GPC6: variants seen among roughly 807,000 people sequenced by gnomAD.
The protein encoded by GPC6 is glypican 6, also known as glypican-6.
In GPC6, 14 loss-of-function variants were observed where a neutral mutation model predicts 55.2. The ratio of observed to expected loss-of-function variants is 0.25; its 90% CI spans 0.17 to 0.40. The LOEUF (loss-of-function observed/expected upper bound fraction) is 0.40, where lower values mean the gene tolerates loss of function less well. GPC6 is among the 10% of genes least tolerant of loss of function. GPC6 has a pLI of 1.00. For missense variants in GPC6, 641 were observed against 708.5 expected (o/e 0.90, Z 1.08); for synonymous variants, 278 against 259.6 (o/e 1.07, Z -0.68).
intron 2 of GPC6, among the ~76,000 whole-genome samples, chr13:93,787,589 G>A (rs1049318856): frequency 8.6e-5 from 13 of 152,046 alleles, no homozygotes; most frequent in African/African-American, 2.4e-4. Context: ...ATATGTTCAG[G>A]TACATGTGAT....
At chr13:93,349,128 A>G (rs1880532317) in intron 1 of GPC6, among the ~76,000 whole-genome samples, 1 of 152,174 alleles carries the variant, frequency 6.6e-6, no homozygotes. Flanking sequence ...TTCAGAAGAG[A>G]AATGAATTCG....
chr13:93,955,831 G>A (rs933755395), intron 3 of GPC6, among the ~76,000 whole-genome samples: 1 of 152,166 alleles, frequency 6.6e-6, no homozygotes, highest in African/African-American at 2.4e-5. Context: ...CTGCTTTAAT[G>A]TTTTTACCTT....
At chr13:93,292,623 CAG>C (rs1878353199) in intron 1 of GPC6, among the ~76,000 whole-genome samples, 1 of 152,100 alleles carries the variant, frequency 6.6e-6, no homozygotes, top group South Asian at 2.1e-4. Context: ...GAAATTTACA[CAG>C]AGTGTATTGA....
intron 1 of GPC6, among the ~76,000 whole-genome samples, chr13:93,421,861 G>A (rs995526383): frequency 6.6e-6 from 1 of 152,204 alleles, no homozygotes; most frequent in African/African-American, 2.4e-5. Flanking sequence ...TGGATGCTAA[G>A]TGGAGTATGT....
At chr13:93,314,692 TTAGA>T (rs755266179) in intron 1 of GPC6, among the ~76,000 whole-genome samples, 14 of 150,244 alleles carry the variant, frequency 9.3e-5, no homozygotes, top group Non-Finnish European at 1.6e-4. Flanking sequence ...GAGGGCCTAA[TTAGA>T]TAGAAAACAA....
At chr13:93,928,925 A>T (rs867836239) in intron 3 of GPC6, among the ~76,000 whole-genome samples, 8 of 184 alleles carry the variant, frequency 0.043, no homozygotes, top group Non-Finnish European at 0.11. Flanking sequence ...TGTACATATA[A>T]AAAAAAATAG....
chr13:94,348,357 A>C (rs1476946054), intron 6 of GPC6, among the ~76,000 whole-genome samples: 1 of 152,208 alleles, frequency 6.6e-6, no homozygotes, highest in Non-Finnish European at 1.5e-5. Context: ...CTAGACCAGC[A>C]CTTCTCCAAA....
intron 3 of GPC6, among the ~76,000 whole-genome samples, chr13:93,923,774 T>G (rs1444593913): frequency 1.3e-5 from 2 of 152,238 alleles, no homozygotes; most frequent in Non-Finnish European, 2.9e-5. Flanking sequence ...GCTGTTAACA[T>G]GTACTTTACA....
At chr13:93,400,297 A>G (rs1876019650) in intron 1 of GPC6, among the ~76,000 whole-genome samples, 1 of 148,370 alleles carries the variant, frequency 6.7e-6, no homozygotes, top group African/African-American at 2.5e-5. Flanking sequence ...CATTCAACAC[A>G]TTTTCTTCAG....
chr13:94,020,320 T>C (rs929036227), intron 3 of GPC6, among the ~76,000 whole-genome samples: 1 of 152,240 alleles, frequency 6.6e-6, no homozygotes, highest in Non-Finnish European at 1.5e-5. Flanking sequence ...GATTTCTAGC[T>C]TCATTCCTTT....
rs142070771 is a variant in GPC6, at chr13:94,395,960, G to A, written c.1290-2506G>A. Among the ~76,000 whole-genome samples, 100 of 152,314 alleles carry A rather than the reference G, an allele frequency of 6.6e-4. 1 individual carries two copies. In the East Asian group the frequency reaches 0.012, roughly 18 times the overall value. On this transcript the variant is annotated intron_variant, in intron 7 of 8. Coordinates refer to ENST00000377047, the MANE Select transcript of GPC6 (RefSeq NM_005708.5). ...CAGCTTCCAGTTGGATCAGCCAATGGGAGGCAGCAGCTGGAGGTCAAGAGG... is the reference window on the plus strand; with the variant it reads ...CAGCTTCCAGTTGGATCAGCCAATGAGAGGCAGCAGCTGGAGGTCAAGAGG...
chr13:93,480,888 A>G (rs1879492161), intron 1 of GPC6, among the ~76,000 whole-genome samples: 1 of 152,142 alleles, frequency 6.6e-6, no homozygotes, highest in Admixed American at 6.5e-5. Context: ...GCATATTATG[A>G]CTAATGCTGT....
At chr13:93,729,112 T>A (rs1883739991) in intron 2 of GPC6, among the ~76,000 whole-genome samples, 1 of 152,198 alleles carries the variant, frequency 6.6e-6, no homozygotes, top group East Asian at 1.9e-4. Context: ...ACTGCTTATA[T>A]CTGCCTTGCT....
intron 2 of GPC6, among the ~76,000 whole-genome samples, chr13:93,620,368 T>A (rs1878897036): frequency 6.6e-6 from 1 of 152,308 alleles, no homozygotes; most frequent in East Asian, 1.9e-4. Context: ...ATGTTCTACT[T>A]GAGGCAGCCA....
At chr13:93,774,068 A>T (rs928611251) in intron 2 of GPC6, among the ~76,000 whole-genome samples, 6 of 152,186 alleles carry the variant, frequency 3.9e-5, no homozygotes, top group Non-Finnish European at 8.8e-5. Flanking sequence ...CATAGCTGCC[A>T]TTGTATATGA....
intron 1 of GPC6, among the ~76,000 whole-genome samples, chr13:93,462,489 A>T (rs1382451718): frequency 6.6e-6 from 1 of 152,172 alleles, no homozygotes; most frequent in African/African-American, 2.4e-5. Context: ...CAGATTTTAA[A>T]ATTATGTTTT....
chr13:93,993,065 G>A (rs958429660), intron 3 of GPC6, among the ~76,000 whole-genome samples: 3 of 152,078 alleles, frequency 2.0e-5, no homozygotes, highest in African/African-American at 7.2e-5. Flanking sequence ...AGCCCTTAGA[G>A]CTAGGAAATG....
chr13:94,023,327 G>A (rs778404208), intron 3 of GPC6, among the ~76,000 whole-genome samples: 3 of 150,626 alleles, frequency 2.0e-5, no homozygotes, highest in Non-Finnish European at 4.4e-5. Context: ...AATGTTGGAT[G>A]TTTTACACAA....
chr13:93,678,394 C>T (rs554659307), intron 2 of GPC6, among the ~76,000 whole-genome samples: 32 of 152,170 alleles, frequency 2.1e-4, no homozygotes, highest in Admixed American at 1.2e-3. Flanking sequence ...TGTATGTGAG[C>T]GACTATAGTT....
Sources: gnomAD v4.1 joint callset for allele counts (sites outside exome capture counted in the v4.1 genomes callset) on GRCh38, gnomAD v4.1.1 for gene constraint, MANE v1.5 for transcripts, NCBI Gene and HGNC (gene_info 2026-07-23, HGNC 2026-07-21) for gene names.